BRINP3: variants seen among roughly 807,000 people sequenced by gnomAD.
BRINP3 encodes the protein BMP/retinoic acid inducible neural specific 3.
Under a neutral mutation model 71.0 loss-of-function variants are expected in BRINP3, and 19 were observed. The ratio of observed to expected loss-of-function variants is 0.27; its 90% CI spans 0.19 to 0.39. BRINP3 has a LOEUF of 0.39. Ranked by LOEUF, BRINP3 falls within the 10% of genes least tolerant of loss-of-function variation. The pLI, the probability that BRINP3 is intolerant of heterozygous loss-of-function variation, is 1.00. For missense variants in BRINP3, 959 were observed against 940.8 expected (o/e 1.02, Z -0.25); for synonymous variants, 380 against 337.7 (o/e 1.13, Z -1.37).
At chr1:190,341,940 A>C (rs907147553) in intron 2 of BRINP3, among the ~76,000 whole-genome samples, 1 of 151,750 alleles carries the variant, frequency 6.6e-6, no homozygotes, top group African/African-American at 2.4e-5. Flanking sequence ...GATGGATGTC[A>C]CTATGCTACA....
chr1:190,239,466 T>C (rs759239278), intron 4 of BRINP3, among the ~76,000 whole-genome samples: 3 of 152,066 alleles, frequency 2.0e-5, no homozygotes, highest in Non-Finnish European at 2.9e-5. Flanking sequence ...AATAAACTTC[T>C]AGTGTTAGAA....
chr1:190,255,641 T>C (rs906961605), intron 4 of BRINP3, among the ~76,000 whole-genome samples: 2 of 152,162 alleles, frequency 1.3e-5, no homozygotes, highest in African/African-American at 4.8e-5. Context: ...CCTTTTGTCA[T>C]TTTTTATTGC....
chr1:190,191,571 C>T (rs1558050282), intron 6 of BRINP3, among the ~76,000 whole-genome samples: 1 of 152,084 alleles, frequency 6.6e-6, no homozygotes, highest in East Asian at 1.9e-4. Context: ...CATGTCACTG[C>T]AAAGGACATG....
At chr1:190,219,205 C>A (rs1656663478) in intron 6 of BRINP3, among the ~76,000 whole-genome samples, 2 of 151,828 alleles carry the variant, frequency 1.3e-5, no homozygotes, top group Non-Finnish European at 2.9e-5. Flanking sequence ...AGACATTTAC[C>A]CATAAGAAAC....
intron 7 of BRINP3, among the ~76,000 whole-genome samples, chr1:190,111,403 C>G (rs1571727409): frequency 6.6e-6 from 1 of 151,816 alleles, no homozygotes; most frequent in Non-Finnish European, 1.5e-5. Context: ...TGAGAAACAG[C>G]AACGTGATAT....
intron 4 of BRINP3, among the ~76,000 whole-genome samples, chr1:190,236,087 A>G (rs1459922420): frequency 1.6e-4 from 25 of 151,978 alleles, no homozygotes; most frequent in Admixed American, 1.6e-3. Flanking sequence ...TAAGGCCATC[A>G]TGGAGATGAT....
chr1:190,410,528 G>C (rs1388062815), intron 2 of BRINP3, among the ~76,000 whole-genome samples: 1 of 151,868 alleles, frequency 6.6e-6, no homozygotes, highest in Non-Finnish European at 1.5e-5. Flanking sequence ...ACACAACGAG[G>C]TAATATTAAA....
chr1:190,397,117 T>C (rs554391280), intron 2 of BRINP3, among the ~76,000 whole-genome samples: 1 of 151,898 alleles, frequency 6.6e-6, no homozygotes, highest in African/African-American at 2.4e-5. Flanking sequence ...TTTAGATAGA[T>C]TTTGGTTTCT....
intron 2 of BRINP3, among the ~76,000 whole-genome samples, chr1:190,420,111 A>G (rs1239847699): frequency 6.6e-6 from 1 of 151,994 alleles, no homozygotes; most frequent in African/African-American, 2.4e-5. Flanking sequence ...AACTAAAGCT[A>G]TTCAAGAAGG....
At chr1:190,187,815 A>T (rs1653670795) in intron 6 of BRINP3, among the ~76,000 whole-genome samples, 1 of 151,352 alleles carries the variant, frequency 6.6e-6, no homozygotes, top group Non-Finnish European at 1.5e-5. Context: ...AGATAGTGTG[A>T]TGTCTCCAGG....
intron 1 of BRINP3, among the ~76,000 whole-genome samples, chr1:190,466,360 G>T (rs1179250260): frequency 6.6e-6 from 1 of 151,620 alleles, no homozygotes; most frequent in Non-Finnish European, 1.5e-5. Flanking sequence ...GGCATACAAG[G>T]TGAAATGAGC....
At chr1:190,202,778 T>C (rs1415645764) in intron 6 of BRINP3, among the ~76,000 whole-genome samples, 1 of 152,142 alleles carries the variant, frequency 6.6e-6, no homozygotes, top group African/African-American at 2.4e-5. Flanking sequence ...TTGCTCCTCC[T>C]TGCCTTCCGC....
intron 2 of BRINP3, among the ~76,000 whole-genome samples, chr1:190,413,954 T>A (rs1672851321): frequency 6.6e-6 from 1 of 152,134 alleles, no homozygotes; most frequent in Non-Finnish European, 1.5e-5. Context: ...ATAATTTAAA[T>A]TTAAAAAATA....
chr1:190,144,689 G>A (rs1393463348), intron 7 of BRINP3, among the ~76,000 whole-genome samples: 1 of 151,864 alleles, frequency 6.6e-6, no homozygotes, highest in Non-Finnish European at 1.5e-5. Flanking sequence ...AAATCTTACC[G>A]ATGAACATAT....
At chr1:190,142,723 A>T (rs1488081421) in intron 7 of BRINP3, among the ~76,000 whole-genome samples, 1 of 152,038 alleles carries the variant, frequency 6.6e-6, no homozygotes, top group East Asian at 1.9e-4. Flanking sequence ...AAAAAATACA[A>T]CTTTCAAATA....
At chr1:190,318,919 G>A (rs1666058878) in intron 2 of BRINP3, among the ~76,000 whole-genome samples, 1 of 151,818 alleles carries the variant, frequency 6.6e-6, no homozygotes, top group African/African-American at 2.4e-5. Flanking sequence ...TATATATTTT[G>A]TTCGGATGTA....
At chr1:190,408,100 C>T (rs1433407521) in intron 2 of BRINP3, among the ~76,000 whole-genome samples, 1 of 139,178 alleles carries the variant, frequency 7.2e-6, no homozygotes, top group Non-Finnish European at 1.5e-5. Flanking sequence ...CGGCTCACTG[C>T]AAGCTCCGCC....
intron 5 of BRINP3, among the ~76,000 whole-genome samples, chr1:190,232,422 A>T (rs1196926472): frequency 6.6e-6 from 1 of 152,068 alleles, no homozygotes; most frequent in African/African-American, 2.4e-5. Context: ...AATACCAATT[A>T]AATTTAAGAA....
chr1:190,264,301 T>C (rs996964470), intron 4 of BRINP3, among the ~76,000 whole-genome samples: 10 of 152,186 alleles, frequency 6.6e-5, no homozygotes, highest in African/African-American at 2.4e-4. Context: ...ATGACTTTAG[T>C]GAACACATAA....
Sources: allele counts gnomAD v4.1 joint callset (sites outside exome capture counted in the v4.1 genomes callset), GRCh38; gene constraint gnomAD v4.1.1; transcripts MANE v1.5; gene names NCBI Gene and HGNC (gene_info 2026-07-23, HGNC 2026-07-21).